The following LIPH variants were observed in gnomAD, a reference collection of about 807,000 sequenced individuals.
LIPH encodes the protein lipase H.
A neutral mutation model predicts 47.6 loss-of-function variants in LIPH; 32 were observed. The observed-to-expected ratio is 0.67, with a 90% CI of 0.51 to 0.90. The LOEUF is 0.90. Among genes scored for constraint, LIPH ranks in the 40% least tolerant of loss-of-function variants. The pLI, the probability that LIPH is intolerant of heterozygous loss-of-function variation, is 0.00. For synonymous variants in LIPH, 190 were observed against 195.6 expected (o/e 0.97, Z 0.24); for missense variants, 497 against 541.4 (o/e 0.92, Z 0.81).
At chr3:185,534,736 C>T (rs1409891957) in intron 2 of LIPH, 29 bp downstream of exon 2, 7 of 1,611,330 alleles carry the variant, frequency 4.3e-6, no homozygotes, top group Non-Finnish European at 5.1e-6. Context: ...TTCAACTTAG[C>T]TCTGAATCAT....
chr3:185,526,630 T>A (rs7646774), intron 4 of LIPH, among the ~76,000 whole-genome samples: 78,291 of 120,164 alleles, frequency 0.65, 22,181 homozygotes, highest in South Asian at 0.77. Context: ...TAAAATAAAA[T>A]ATAAAATAAA....
chr3:185,552,057 T>C (rs983111091), intron 1 of LIPH, among the ~76,000 whole-genome samples: 1 of 151,950 alleles, frequency 6.6e-6, no homozygotes, highest in Non-Finnish European at 1.5e-5. Context: ...TTCCAGAAAA[T>C]AAATCATCTC....
chr3:185,526,761 A>G (rs959872191), intron 4 of LIPH, among the ~76,000 whole-genome samples: 1 of 150,564 alleles, frequency 6.6e-6, no homozygotes, highest in African/African-American at 2.4e-5. Context: ...GAAGATCTGC[A>G]GAGAGCCAGA....
chr3:185,525,378 T>A (rs1560162181), intron 4 of LIPH, among the ~76,000 whole-genome samples: 1 of 152,112 alleles, frequency 6.6e-6, no homozygotes, highest in African/African-American at 2.4e-5. Context: ...ATAGTAATAA[T>A]AATAATAGTT....
At chr3:185,515,378 G>A (rs1318103885) in intron 7 of LIPH, among the ~76,000 whole-genome samples, 1 of 152,114 alleles carries the variant, frequency 6.6e-6, no homozygotes, top group African/African-American at 2.4e-5. Flanking sequence ...TCCCACGAAG[G>A]AATAAGGTCA....
At chr3:185,521,035 A>AG (rs1257751687) in intron 5 of LIPH, among the ~76,000 whole-genome samples, 2 of 151,728 alleles carry the variant, frequency 1.3e-5, no homozygotes, top group Non-Finnish European at 2.9e-5. Context: ...ACTTCCGGCT[A>AG]ATTTTGTATT....
At chr3:185,535,166 T>C in intron 1 of LIPH, 34 bp from the exon 2 acceptor site, 2 of 1,610,906 alleles carry the variant, frequency 1.2e-6, no homozygotes, top group African/African-American at 1.3e-5. Context: ...TCACGACAGG[T>C]CTTTCCTTAG....
At chr3:185,545,206 T>C (rs927934337) in intron 1 of LIPH, among the ~76,000 whole-genome samples, 11 of 152,200 alleles carry the variant, frequency 7.2e-5, no homozygotes, top group Non-Finnish European at 1.6e-4. Flanking sequence ...GAAATGCCAT[T>C]TCCTGTTGAC....
intron 9 of LIPH, among the ~76,000 whole-genome samples, chr3:185,510,754 A>G (rs1719536503): frequency 1.3e-5 from 2 of 152,298 alleles, no homozygotes; most frequent in East Asian, 1.9e-4. Flanking sequence ...AATCACAAAT[A>G]CAAAAATTAG....
chr3:185,526,812 T>C (rs1243277482), intron 4 of LIPH, among the ~76,000 whole-genome samples: 2 of 151,790 alleles, frequency 1.3e-5, no homozygotes, highest in African/African-American at 4.8e-5. Context: ...TGGAGAGATT[T>C]AACACCTGCA....
At chr3:185,520,119 G>T (rs1406365742) in intron 5 of LIPH, among the ~76,000 whole-genome samples, 1 of 152,170 alleles carries the variant, frequency 6.6e-6, no homozygotes, top group Non-Finnish European at 1.5e-5. Context: ...AGACTACAAA[G>T]TTGCTGTGTC....
At position 185,524,023 on chromosome 3, in the gene LIPH, C is replaced by T. The variant is rs375266898; in HGVS notation, c.718+48G>A. Reference sequence around the variant, plus strand: ...AGGCATGAGCCACCATGCACAGCCTCCAAATATGCCTTTTTATACCACTAT... The same window carrying T: ...AGGCATGAGCCACCATGCACAGCCTTCAAATATGCCTTTTTATACCACTAT... On this transcript the variant is annotated intron_variant, in intron 5 of 9. Transcript: ENST00000296252. The T allele has an allele frequency of 3.7e-5, 50 of 1,340,058 alleles. No homozygotes were observed. In the African/African-American group the frequency reaches 6.9e-4, roughly 18 times the overall value. The allele number at this position is 1,340,058 out of a possible 1,614,324, so 83.0% of individuals were successfully genotyped here.
At chr3:185,541,061 A>C (rs73885748) in intron 1 of LIPH, among the ~76,000 whole-genome samples, 352 of 152,270 alleles carry the variant, frequency 2.3e-3, no homozygotes, top group African/African-American at 8.1e-3. Flanking sequence ...TAACACACTT[A>C]ATACTTCTCC....
chr3:185,513,955 G>A (rs1392003419), intron 8 of LIPH, among the ~76,000 whole-genome samples: 2 of 152,148 alleles, frequency 1.3e-5, no homozygotes, highest in South Asian at 4.1e-4. Flanking sequence ...CAGGAGAATC[G>A]CTTGAACCTG....
intron 7 of LIPH, among the ~76,000 whole-genome samples, chr3:185,515,306 T>A (rs73885739): frequency 0.011 from 1,649 of 151,378 alleles, 29 homozygotes; most frequent in African/African-American, 0.038. Context: ...ATGGGTTTTT[T>A]TAAAAAAAAA....
At chr3:185,526,248 C>T (rs553882027) in intron 4 of LIPH, among the ~76,000 whole-genome samples, 14 of 152,042 alleles carry the variant, frequency 9.2e-5, no homozygotes, top group Non-Finnish European at 1.6e-4. Flanking sequence ...TGGCTGGGAA[C>T]GGTGGCTCAC....
intron 3 of LIPH, among the ~76,000 whole-genome samples, chr3:185,529,338 A>G (rs1222694192): frequency 6.6e-6 from 1 of 150,420 alleles, no homozygotes; most frequent in African/African-American, 2.4e-5. Flanking sequence ...GTCATTTTAT[A>G]TCTCCTATCC....
At chr3:185,511,194 G>C (rs1719551020) in intron 9 of LIPH, among the ~76,000 whole-genome samples, 1 of 151,818 alleles carries the variant, frequency 6.6e-6, no homozygotes, top group Non-Finnish European at 1.5e-5. Context: ...ATCAAATGCA[G>C]GTGGGCTGGG....
In LIPH at chr3:185,534,789, C is replaced by A. The variant is rs1577681837; in HGVS notation, c.393G>T (p.Leu131Phe). Residue 131 changes from leucine (L) to phenylalanine (F), a missense_variant, in exon 2 of 10, where the codon TTG (leucine) becomes TTT (phenylalanine). Transcript: ENST00000296252. Reference sequence around the variant, plus strand: ...CCAACATCTGGTCAATAAATTCCTTCAAGACCATGGCTACTTTTCTGGTCT... The same window carrying A: ...CCAACATCTGGTCAATAAATTCCTTAAAGACCATGGCTACTTTTCTGGTCT... The part of the protein sequence containing the change: ...SSKTRKVAMV[L>F]KEFIDQMLAE... The A allele has an allele frequency of 1.2e-6, 2 of 1,613,808 alleles. No homozygotes were observed. Among genetic ancestry groups the A allele is most frequent in the African/African-American group, 2.7e-5 (2 of 75,044 alleles).
Sources: allele counts gnomAD v4.1 joint callset (sites outside exome capture counted in the v4.1 genomes callset), GRCh38; gene constraint gnomAD v4.1.1; transcripts MANE v1.5; gene names NCBI Gene and HGNC (gene_info 2026-07-23, HGNC 2026-07-21).